NR2F1-AS1: variants seen among roughly 807,000 people sequenced by gnomAD.
NR2F1-AS1 encodes NR2F1 regulatory antisense RNA 1, also known as NR2F1 antisense RNA 1.
chr5:93,553,252 C>T (rs562492886), intron 4 of NR2F1-AS1, among the ~76,000 whole-genome samples: 15 of 151,758 alleles, frequency 9.9e-5, no homozygotes, highest in Non-Finnish European at 2.1e-4. Flanking sequence ...GCCTCAGCTT[C>T]CCAAGTGAAG....
chr5:93,439,954 TCTAA>T (rs1749527966), intron 4 of NR2F1-AS1, among the ~76,000 whole-genome samples: 2 of 152,204 alleles, frequency 1.3e-5, no homozygotes, highest in South Asian at 4.1e-4. Flanking sequence ...AGACAATGTG[TCTAA>T]CTCATTATTT....
intron 4 of NR2F1-AS1, among the ~76,000 whole-genome samples, chr5:93,523,115 C>T (rs560181580): frequency 6.6e-6 from 1 of 152,266 alleles, no homozygotes; most frequent in African/African-American, 2.4e-5. Flanking sequence ...TGTTGCTCTG[C>T]CAGCACAGCA....
chr5:93,444,700 C>T (rs546331683), intron 4 of NR2F1-AS1, among the ~76,000 whole-genome samples: 1 of 152,158 alleles, frequency 6.6e-6, no homozygotes, highest in Non-Finnish European at 1.5e-5. Context: ...CCAAGCAGAC[C>T]TAATAGACAT....
intron 4 of NR2F1-AS1, among the ~76,000 whole-genome samples, chr5:93,452,409 G>A (rs1434041007): frequency 6.6e-6 from 1 of 152,180 alleles, no homozygotes; most frequent in East Asian, 1.9e-4. Context: ...GCATTTTCCA[G>A]ACTGCAGAGC....
chr5:93,562,878 C>T (rs572695126), intron 2 of NR2F1-AS1, among the ~76,000 whole-genome samples: 10 of 152,268 alleles, frequency 6.6e-5, no homozygotes, highest in African/African-American at 2.4e-4. Context: ...GCACAATGGT[C>T]ACATAATTCT....
intron 1 of NR2F1-AS1, among the ~76,000 whole-genome samples, chr5:93,576,782 A>C (rs1225765195): frequency 6.6e-6 from 1 of 152,222 alleles, no homozygotes; most frequent in Admixed American, 6.5e-5. Context: ...ACAGGTAACT[A>C]TTAAGGGAAA....
chr5:93,416,325 G>A (rs1484797137), intron 4 of NR2F1-AS1, among the ~76,000 whole-genome samples: 6 of 152,094 alleles, frequency 3.9e-5, no homozygotes, highest in Non-Finnish European at 7.4e-5. Context: ...TGTCTAACTT[G>A]CCTTTGTGCC....
intron 4 of NR2F1-AS1, among the ~76,000 whole-genome samples, chr5:93,474,195 C>T (rs1750431846): frequency 6.6e-6 from 1 of 152,022 alleles, no homozygotes; most frequent in African/African-American, 2.4e-5. Flanking sequence ...ACATGTATTA[C>T]TGTACAAGAT....
intron 4 of NR2F1-AS1, among the ~76,000 whole-genome samples, chr5:93,456,151 A>G (rs1309850877): frequency 6.6e-6 from 1 of 152,232 alleles, no homozygotes; most frequent in Non-Finnish European, 1.5e-5. Flanking sequence ...GATAGCTGGC[A>G]TGATTATTTA....
At chr5:93,434,105 A>T (rs1749384739) in intron 4 of NR2F1-AS1, among the ~76,000 whole-genome samples, 1 of 152,160 alleles carries the variant, frequency 6.6e-6, no homozygotes, top group African/African-American at 2.4e-5. Flanking sequence ...GTCTCTTCTT[A>T]CAGCTAATGA....
At chr5:93,557,013 C>G (rs975833996) in intron 2 of NR2F1-AS1, among the ~76,000 whole-genome samples, 3 of 152,258 alleles carry the variant, frequency 2.0e-5, no homozygotes, top group Non-Finnish European at 2.9e-5. Context: ...ACTCTGGTAG[C>G]AAATGTGCTA....
chr5:93,551,514 C>T (rs1752228246), intron 4 of NR2F1-AS1, among the ~76,000 whole-genome samples: 1 of 152,020 alleles, frequency 6.6e-6, no homozygotes, highest in South Asian at 2.1e-4. Flanking sequence ...AACTACTGAG[C>T]CATGTAAGAA....
chr5:93,514,749 T>C (rs967211755), intron 4 of NR2F1-AS1, among the ~76,000 whole-genome samples: 1 of 151,982 alleles, frequency 6.6e-6, no homozygotes, highest in African/African-American at 2.4e-5. Context: ...AACCAATTAA[T>C]TTTTTAGAAC....
intron 4 of NR2F1-AS1, among the ~76,000 whole-genome samples, chr5:93,510,922 G>C (rs1054851392): frequency 6.6e-6 from 1 of 152,084 alleles, no homozygotes; most frequent in Non-Finnish European, 1.5e-5. Flanking sequence ...TAAGGCTTTG[G>C]GTTAAATTAT....
chr5:93,499,462 T>C (rs1751032243), intron 4 of NR2F1-AS1, among the ~76,000 whole-genome samples: 1 of 152,186 alleles, frequency 6.6e-6, no homozygotes, highest in Non-Finnish European at 1.5e-5. Flanking sequence ...GTATCTGGTA[T>C]GGTGATCTGT....
chr5:93,565,238 C>T (rs75511903), intron 1 of NR2F1-AS1, among the ~76,000 whole-genome samples: 1,781 of 152,092 alleles, frequency 0.012, 20 homozygotes, highest in Non-Finnish European at 0.019. Flanking sequence ...ACACAAGAAG[C>T]ACTGAAAAAA....
At chr5:93,527,024 G>A (rs1751632902) in intron 4 of NR2F1-AS1, among the ~76,000 whole-genome samples, 1 of 152,082 alleles carries the variant, frequency 6.6e-6, no homozygotes, top group African/African-American at 2.4e-5. Flanking sequence ...AAGAAATAAA[G>A]GGTATTCAAA....
intron 4 of NR2F1-AS1, among the ~76,000 whole-genome samples, chr5:93,529,683 T>C (rs1289112926): frequency 6.6e-6 from 1 of 152,172 alleles, no homozygotes; most frequent in Non-Finnish European, 1.5e-5. Flanking sequence ...ATTATGATAC[T>C]GTAGTAAAAC....
intron 4 of NR2F1-AS1, among the ~76,000 whole-genome samples, chr5:93,414,522 G>A (rs530138963): frequency 8.5e-5 from 13 of 152,268 alleles, no homozygotes; most frequent in Middle Eastern, 3.4e-3. Flanking sequence ...GTGAGAGTGC[G>A]TGGCCAGCAG....
Sources: allele counts gnomAD v4.1 joint callset (sites outside exome capture counted in the v4.1 genomes callset), GRCh38; gene constraint gnomAD v4.1.1; transcripts MANE v1.5; gene names NCBI Gene and HGNC (gene_info 2026-07-23, HGNC 2026-07-21).